The following GLIS3 variants were observed in gnomAD, a reference collection of about 807,000 sequenced individuals.
GLIS3 encodes the protein GLIS family zinc finger 3.
A neutral mutation model predicts 78.6 loss-of-function variants in GLIS3; 53 were observed. That is an observed-to-expected ratio of 0.67 (90% CI 0.54 to 0.85). The LOEUF (loss-of-function observed/expected upper bound fraction) is 0.85. GLIS3 is among the 40% of genes least tolerant of loss of function. GLIS3 has a pLI of 0.00. For missense variants in GLIS3, 1,703 were observed against 1,231.1 expected (o/e 1.38, Z -5.74); for synonymous variants, 684 against 509.9 (o/e 1.34, Z -4.60).
chr9:4,390,892 C>T, the GLIS3 span, among the ~76,000 whole-genome samples: 13 of 152,164 alleles, frequency 8.5e-5, no homozygotes, highest in Admixed American at 2.6e-4. Flanking sequence ...AAACAGGAAT[C>T]GTACCTTTTT....
chr9:3,972,859 T>G (rs1389696205), intron 4 of GLIS3, among the ~76,000 whole-genome samples: 1 of 152,206 alleles, frequency 6.6e-6, no homozygotes, highest in Non-Finnish European at 1.5e-5. Flanking sequence ...ATTGTAATAC[T>G]TCTTCCCAAA....
At chr9:3,955,265 T>G (rs1319680900) in intron 4 of GLIS3, among the ~76,000 whole-genome samples, 1 of 152,226 alleles carries the variant, frequency 6.6e-6, no homozygotes, top group East Asian at 1.9e-4. Context: ...GTTCTGCCTA[T>G]CTCTGTTAAG....
At chr9:4,336,555 T>C (rs1461743778) in intron 2 of GLIS3, among the ~76,000 whole-genome samples, 1 of 152,156 alleles carries the variant, frequency 6.6e-6, no homozygotes, top group South Asian at 2.1e-4. Flanking sequence ...AAACTGAATA[T>C]ATAGTTTCCG....
intron 8 of GLIS3, among the ~76,000 whole-genome samples, chr9:3,860,001 C>G (rs118047658): frequency 6.6e-6 from 1 of 151,344 alleles, no homozygotes; most frequent in Non-Finnish European, 1.5e-5. Context: ...GGGGGCCAAG[C>G]GTGGTGGCTC....
chr9:3,855,890 T>A, intron 9 of GLIS3, 119 bp downstream of exon 9: 1 of 1,133,330 alleles, frequency 8.8e-7, no homozygotes. Context: ...AGGCAAGTCA[T>A]GAAAGCCTAA....
At chr9:4,082,402 A>C (rs1385412904) in intron 4 of GLIS3, among the ~76,000 whole-genome samples, 1 of 152,242 alleles carries the variant, frequency 6.6e-6, no homozygotes, top group Non-Finnish European at 1.5e-5. Context: ...CCTAAGAAAT[A>C]AACTTTTAAA....
the GLIS3 span, among the ~76,000 whole-genome samples, chr9:4,448,725 C>A: frequency 1.3e-5 from 2 of 152,202 alleles, no homozygotes; most frequent in African/African-American, 4.8e-5. Flanking sequence ...TCATTATGTC[C>A]TTTTGATCCC....
chr9:4,323,913 A>G (rs776811877), intron 2 of GLIS3, among the ~76,000 whole-genome samples: 1 of 152,248 alleles, frequency 6.6e-6, no homozygotes, highest in Non-Finnish European at 1.5e-5. Flanking sequence ...TAAGTAACTG[A>G]AACCACTTTC....
At chr9:4,096,099 A>G (rs1429493017) in intron 4 of GLIS3, among the ~76,000 whole-genome samples, 1 of 152,190 alleles carries the variant, frequency 6.6e-6, no homozygotes, top group African/African-American at 2.4e-5. Context: ...TTTTAAAGGA[A>G]AATAAGGAGA....
intron 6 of GLIS3, among the ~76,000 whole-genome samples, chr9:3,899,448 A>C (rs970130756): frequency 2.6e-5 from 4 of 152,200 alleles, no homozygotes; most frequent in Non-Finnish European, 5.9e-5. Context: ...CAAACAATAA[A>C]AAATGCTAAA....
intron 2 of GLIS3, among the ~76,000 whole-genome samples, chr9:4,254,275 T>A (rs1297387063): frequency 6.6e-6 from 1 of 152,206 alleles, no homozygotes; most frequent in African/African-American, 2.4e-5. Context: ...AGTCCATTCA[T>A]GATATCAACA....
intron 4 of GLIS3, among the ~76,000 whole-genome samples, chr9:4,096,302 C>A (rs781261898): frequency 9.2e-5 from 14 of 151,964 alleles, no homozygotes; most frequent in Non-Finnish European, 2.1e-4. Flanking sequence ...TTTTTCCTAC[C>A]AGTTGTGTTA....
intron 4 of GLIS3, among the ~76,000 whole-genome samples, chr9:3,976,952 C>T (rs1818856218): frequency 6.6e-6 from 1 of 151,026 alleles, no homozygotes; most frequent in Non-Finnish European, 1.5e-5. Context: ...CAATGCCTTC[C>T]GTTCAATTTA....
At position 4,076,860 on chromosome 9, in the gene GLIS3, G is replaced by A. The variant is rs114695892; in HGVS notation, c.1710+40908C>T. 8.1e-3 allele frequency among the ~76,000 whole-genome samples: 1,228 copies of A among 152,202 alleles called. 14 individuals are homozygous for A. The highest frequency in any genetic ancestry group is 0.028 in the African/African-American group (1,158 of 41,522). On this transcript the variant is annotated intron_variant, in intron 4 of 10. Transcript: ENST00000381971. Reference sequence around the variant, plus strand: ...TGGCTTGAACCCAGGAGTTTGAGACGAGCTTGGGCAACATGGCAAAACCCT... The same window carrying A: ...TGGCTTGAACCCAGGAGTTTGAGACAAGCTTGGGCAACATGGCAAAACCCT...
rs559873626 is a variant in GLIS3, at chr9:4,093,869, C to T, written c.1710+23899G>A. Among the ~76,000 whole-genome samples, 12 of 152,312 alleles carry T rather than the reference C, an allele frequency of 7.9e-5. No individual in the cohort carries two copies. In the South Asian group the frequency reaches 1.0e-3, roughly 13 times the overall value. ...AGACAAGTTGACCAGAAGGCCTTAT[C>T]AATACTTCAGTAACCCTGAGGTCTC... On this transcript the variant is annotated intron_variant, in intron 4 of 10. Coordinates refer to ENST00000381971, the MANE Select transcript of GLIS3 (RefSeq NM_001042413.2).
chr9:4,467,087 G>A, the GLIS3 span, among the ~76,000 whole-genome samples: 1 of 152,222 alleles, frequency 6.6e-6, no homozygotes, highest in African/African-American at 2.4e-5. Flanking sequence ...CTGGGGGAGG[G>A]GCATCTGCCA....
At chr9:4,188,464 G>C (rs1397702482) in intron 2 of GLIS3, among the ~76,000 whole-genome samples, 1 of 149,286 alleles carries the variant, frequency 6.7e-6, no homozygotes, top group Non-Finnish European at 1.5e-5. Context: ...TCTCTTTTTT[G>C]GTTGTGTCTC....
the GLIS3 span, among the ~76,000 whole-genome samples, chr9:4,417,559 G>C: frequency 6.6e-6 from 1 of 152,130 alleles, no homozygotes; most frequent in East Asian, 1.9e-4. Flanking sequence ...GTTTTGTAAT[G>C]TCAACCAATG....
At chr9:4,050,409 T>A (rs144827037) in intron 4 of GLIS3, among the ~76,000 whole-genome samples, 1 of 151,930 alleles carries the variant, frequency 6.6e-6, no homozygotes, top group East Asian at 1.9e-4. Flanking sequence ...AGAACACTTG[T>A]ACACAGGGCG....
Sources: allele counts gnomAD v4.1 joint callset (sites outside exome capture counted in the v4.1 genomes callset), GRCh38; gene constraint gnomAD v4.1.1; transcripts MANE v1.5; gene names NCBI Gene and HGNC (gene_info 2026-07-23, HGNC 2026-07-21).